The following FTO variants were observed in gnomAD, a reference collection of about 807,000 sequenced individuals.
FTO encodes alpha-ketoglutarate-dependent dioxygenase FTO.
In FTO, 47 loss-of-function variants were observed where a neutral mutation model predicts 63.9. The observed-to-expected ratio is 0.74, with a 90% confidence interval of 0.58 to 0.94. FTO has a LOEUF of 0.94. Among genes scored for constraint, FTO ranks in the 40% least tolerant of loss-of-function variants. FTO has a pLI of 0.00. For missense variants in FTO, 562 were observed against 618.1 expected (o/e 0.91, Z 0.96); for synonymous variants, 207 against 224.4 (o/e 0.92, Z 0.69).
intron 1 of FTO, among the ~76,000 whole-genome samples, chr16:53,766,578 C>A (rs2077208231): frequency 6.6e-6 from 1 of 152,056 alleles, no homozygotes; most frequent in African/African-American, 2.4e-5. Flanking sequence ...CGAAGCAGGT[C>A]TGGGGTGAAT....
At chr16:53,808,621 G>A (rs1178126644) in intron 1 of FTO, among the ~76,000 whole-genome samples, 1 of 152,130 alleles carries the variant, frequency 6.6e-6, no homozygotes, top group Non-Finnish European at 1.5e-5. Context: ...GTTTGTGAGA[G>A]AAGGCTGCTA....
chr16:53,734,420 G>T (rs974814830), intron 1 of FTO, among the ~76,000 whole-genome samples: 1 of 152,198 alleles, frequency 6.6e-6, no homozygotes, highest in Non-Finnish European at 1.5e-5. Flanking sequence ...TTTCAAAAAC[G>T]ATAGTTCTCT....
intron 1 of FTO, among the ~76,000 whole-genome samples, chr16:53,742,289 A>C (rs1300119843): frequency 6.6e-6 from 1 of 152,182 alleles, no homozygotes. Flanking sequence ...AGGAAGGGTC[A>C]ATACCAGCCC....
intron 8 of FTO, among the ~76,000 whole-genome samples, chr16:53,980,470 A>G (rs1486833431): frequency 6.6e-6 from 1 of 152,212 alleles, no homozygotes; most frequent in Non-Finnish European, 1.5e-5. Flanking sequence ...AATCCAATGC[A>G]TACGCCCCTC....
chr16:53,703,981 C>A (rs909544526), upstream of FTO: 5 of 651,418 alleles, frequency 7.7e-6, no homozygotes, highest in African/African-American at 9.0e-5. Flanking sequence ...TTCCAGCTGT[C>A]GGACCTGGGA....
rs1420509445 is a variant in FTO, at chr16:54,119,078, A to G, written c.*7163A>G. 6.6e-6 allele frequency: 1 copy of G among 152,220 alleles called. No homozygotes were observed. 9.4% of individuals were successfully genotyped at this position (152,220 alleles called of 1,614,324 possible). Reference sequence around the variant, plus strand: ...GAGAAATAGAAACCTCTCTTGCACAAGAATAGTCTCAATGAATCATGTTAA... The same window carrying G: ...GAGAAATAGAAACCTCTCTTGCACAGGAATAGTCTCAATGAATCATGTTAA... On this transcript the variant is annotated 3_prime_UTR_variant, in exon 9 of 9. Transcript: ENST00000471389.
intron 8 of FTO, among the ~76,000 whole-genome samples, chr16:53,988,250 T>C (rs1347337219): frequency 6.6e-6 from 1 of 152,200 alleles, no homozygotes; most frequent in East Asian, 1.9e-4. Flanking sequence ...AATTCTTCCT[T>C]GTAAATATGG....
intron 8 of FTO, among the ~76,000 whole-genome samples, chr16:54,104,440 G>A (rs1407697111): frequency 6.6e-6 from 1 of 151,502 alleles, no homozygotes; most frequent in South Asian, 2.1e-4. Context: ...AGCCTTCTCA[G>A]TAGCTGGGAT....
intron 8 of FTO, among the ~76,000 whole-genome samples, chr16:54,041,599 C>T (rs2144278612): frequency 6.6e-6 from 1 of 152,216 alleles, no homozygotes; most frequent in East Asian, 1.9e-4. Flanking sequence ...CCGGAAGACC[C>T]TGAGGACAGT....
chr16:54,082,260 G>A (rs1318413604), intron 8 of FTO, among the ~76,000 whole-genome samples: 1 of 152,182 alleles, frequency 6.6e-6, no homozygotes, highest in African/African-American at 2.4e-5. Context: ...CAGACCACCA[G>A]ATGTTTCAAA....
chr16:54,054,708 A>C (rs1293135116), intron 8 of FTO: 1 of 152,196 alleles, frequency 6.6e-6, no homozygotes, highest in Non-Finnish European at 1.5e-5. Flanking sequence ...TGCCTGAATT[A>C]AGTCTCTGGA....
chr16:54,004,881 T>G (rs780508727), intron 8 of FTO, among the ~76,000 whole-genome samples: 2 of 151,878 alleles, frequency 1.3e-5, no homozygotes, highest in Non-Finnish European at 2.9e-5. Context: ...CCATCCTGGC[T>G]AGTACAGTGA....
chr16:53,919,608 T>C (rs2081961969), intron 7 of FTO, among the ~76,000 whole-genome samples: 1 of 152,132 alleles, frequency 6.6e-6, no homozygotes, highest in African/African-American at 2.4e-5. Flanking sequence ...GATAAAGAAA[T>C]TGTGGTATAT....
chr16:53,845,189 T>C (rs2079586685), intron 4 of FTO, among the ~76,000 whole-genome samples: 1 of 152,254 alleles, frequency 6.6e-6, no homozygotes, highest in Admixed American at 6.5e-5. Flanking sequence ...GTTTATTCTC[T>C]ACTTGGCTCT....
At chr16:53,820,997 G>C (rs2078851795) in intron 2 of FTO, among the ~76,000 whole-genome samples, 1 of 152,068 alleles carries the variant, frequency 6.6e-6, no homozygotes. Context: ...TTTTTATGCT[G>C]TTTTTTATGT....
intron 8 of FTO, among the ~76,000 whole-genome samples, chr16:53,950,261 C>T (rs1207551796): frequency 6.7e-6 from 1 of 149,468 alleles, no homozygotes; most frequent in African/African-American, 2.4e-5. Context: ...AGTAGGAAGT[C>T]GTCTTAATAA....
chr16:53,886,552 T>C (rs1312578661), intron 6 of FTO, among the ~76,000 whole-genome samples: 1 of 152,254 alleles, frequency 6.6e-6, no homozygotes, highest in Non-Finnish European at 1.5e-5. Context: ...GTTACATCTG[T>C]TAACCACTGT....
At chr16:53,802,125 T>C (rs2078244566) in intron 1 of FTO, among the ~76,000 whole-genome samples, 1 of 152,132 alleles carries the variant, frequency 6.6e-6, no homozygotes, top group South Asian at 2.1e-4. Context: ...TTGCTATCTG[T>C]GGGGGATTGG....
chr16:53,806,799 A>T (rs1366766368), intron 1 of FTO, among the ~76,000 whole-genome samples: 2 of 152,188 alleles, frequency 1.3e-5, no homozygotes, highest in African/African-American at 4.8e-5. Context: ...ACATGGTACA[A>T]GTGTATTAGA....
Sources: gnomAD v4.1 joint callset for allele counts (sites outside exome capture counted in the v4.1 genomes callset) on GRCh38, gnomAD v4.1.1 for gene constraint, MANE v1.5 for transcripts, NCBI Gene and HGNC (gene_info 2026-07-23, HGNC 2026-07-21) for gene names.